The following PIP5K1B variants were observed in gnomAD, a reference collection of about 807,000 sequenced individuals.
The protein encoded by PIP5K1B is phosphatidylinositol-4-phosphate 5-kinase type 1 beta, also known as phosphatidylinositol 4-phosphate 5-kinase type-1 beta.
Under a neutral mutation model 67.0 loss-of-function variants are expected in PIP5K1B, and 42 were observed. The observed-to-expected ratio is 0.63, with a 90% CI of 0.49 to 0.81. The LOEUF (loss-of-function observed/expected upper bound fraction) is 0.81. PIP5K1B is among the 30% of genes least tolerant of loss of function. PIP5K1B has a pLI of 0.00. For synonymous variants in PIP5K1B, 214 were observed against 231.4 expected (o/e 0.92, Z 0.68); for missense variants, 459 against 646.3 (o/e 0.71, Z 3.14).
intron 6 of PIP5K1B, among the ~76,000 whole-genome samples, chr9:68,887,068 A>G (rs958921553): frequency 3.9e-5 from 6 of 152,140 alleles, no homozygotes; most frequent in Non-Finnish European, 7.3e-5. Context: ...CTCTGCTCCA[A>G]TGTCACCTTT....
chr9:68,914,695 A>G (rs915605784), intron 8 of PIP5K1B, among the ~76,000 whole-genome samples: 15 of 152,140 alleles, frequency 9.9e-5, no homozygotes, highest in African/African-American at 3.6e-4. Flanking sequence ...AGCCTGGGCA[A>G]CAGAGCAAGA....
intron 14 of PIP5K1B, among the ~76,000 whole-genome samples, chr9:68,975,340 A>G (rs1455901560): frequency 6.6e-6 from 1 of 152,238 alleles, no homozygotes; most frequent in Non-Finnish European, 1.5e-5. Flanking sequence ...AAGTGCTGGG[A>G]TTACAGGCAT....
At chr9:68,904,490 A>G (rs949269790) in intron 8 of PIP5K1B, among the ~76,000 whole-genome samples, 2 of 152,238 alleles carry the variant, frequency 1.3e-5, no homozygotes, top group Non-Finnish European at 2.9e-5. Context: ...TAATCCAAAC[A>G]TTTAATTTTA....
chr9:68,809,122 A>G (rs943320130), intron 2 of PIP5K1B, among the ~76,000 whole-genome samples: 3 of 152,196 alleles, frequency 2.0e-5, no homozygotes, highest in East Asian at 1.9e-4. Context: ...CTCTAAGCCT[A>G]TAGTTTCTTA....
intron 14 of PIP5K1B, among the ~76,000 whole-genome samples, chr9:68,975,071 G>A (rs1258089170): frequency 6.6e-6 from 1 of 152,172 alleles, no homozygotes; most frequent in Non-Finnish European, 1.5e-5. Context: ...GTTTTTGTTT[G>A]TTAGGTTGGC....
chr9:68,880,478 C>A (rs931651641), intron 6 of PIP5K1B, among the ~76,000 whole-genome samples: 1 of 151,904 alleles, frequency 6.6e-6, no homozygotes, highest in Non-Finnish European at 1.5e-5. Context: ...TCACTTGTAC[C>A]CCGGAGGCAA....
intron 6 of PIP5K1B, among the ~76,000 whole-genome samples, chr9:68,888,666 C>A (rs371842448): frequency 2.0e-5 from 3 of 152,150 alleles, no homozygotes; most frequent in African/African-American, 7.2e-5. Flanking sequence ...TTGCTGGAAA[C>A]AAAGCACCTT....
At chr9:68,800,975 G>T (rs910213920) in intron 2 of PIP5K1B, among the ~76,000 whole-genome samples, 1 of 152,156 alleles carries the variant, frequency 6.6e-6, no homozygotes, top group Non-Finnish European at 1.5e-5. Flanking sequence ...ATCCCAGATA[G>T]GAAAAGTGTC....
chr9:68,843,705 C>T (rs767423585), intron 4 of PIP5K1B, among the ~76,000 whole-genome samples: 10 of 152,216 alleles, frequency 6.6e-5, no homozygotes, highest in Non-Finnish European at 1.2e-4. Flanking sequence ...GAGTGAGCCA[C>T]TCTACTCCTG....
At chr9:68,999,556 T>G (rs1830728584) in intron 15 of PIP5K1B, among the ~76,000 whole-genome samples, 1 of 152,228 alleles carries the variant, frequency 6.6e-6, no homozygotes, top group Non-Finnish European at 1.5e-5. Flanking sequence ...GGGGGTGGAC[T>G]GAGGCATTGG....
intron 4 of PIP5K1B, among the ~76,000 whole-genome samples, chr9:68,862,057 C>T (rs945862832): frequency 3.3e-5 from 5 of 152,076 alleles, no homozygotes; most frequent in African/African-American, 9.7e-5. Context: ...TGTAGATAGT[C>T]GTCCTCACAC....
intron 2 of PIP5K1B, among the ~76,000 whole-genome samples, chr9:68,785,329 A>G (rs936515596): frequency 5.9e-5 from 9 of 152,234 alleles, no homozygotes; most frequent in Admixed American, 5.9e-4. Context: ...TCTGGTCTCA[A>G]TGTAGGTCTC....
chr9:68,941,793 A>C (rs577728948), intron 14 of PIP5K1B, among the ~76,000 whole-genome samples: 6 of 152,334 alleles, frequency 3.9e-5, no homozygotes, highest in Admixed American at 1.3e-4. Flanking sequence ...TAATATATGG[A>C]TATCCATAGA....
At chr9:68,787,551 CCTT>C (rs1564135675) in intron 2 of PIP5K1B, among the ~76,000 whole-genome samples, 2 of 152,180 alleles carry the variant, frequency 1.3e-5, no homozygotes, top group Admixed American at 1.3e-4. Flanking sequence ...GTTTCCTCCT[CCTT>C]CTCCTGCATA....
intron 4 of PIP5K1B, among the ~76,000 whole-genome samples, chr9:68,826,720 T>C (rs1371688420): frequency 6.6e-6 from 1 of 152,194 alleles, no homozygotes; most frequent in East Asian, 1.9e-4. Context: ...CAAATCGGTG[T>C]TGAGTAAGTG....
chr9:68,914,319 C>T (rs1445810895), intron 8 of PIP5K1B, among the ~76,000 whole-genome samples: 14 of 152,168 alleles, frequency 9.2e-5, no homozygotes, highest in Non-Finnish European at 1.8e-4. Flanking sequence ...TTGGGAACAT[C>T]CACAGTATTG....
chr9:68,773,807 AG>A (rs1381338679), intron 2 of PIP5K1B, among the ~76,000 whole-genome samples: 1 of 152,218 alleles, frequency 6.6e-6, no homozygotes, highest in Non-Finnish European at 1.5e-5. Flanking sequence ...GATAACATAG[AG>A]GGTGTCTGTA....
intron 14 of PIP5K1B, among the ~76,000 whole-genome samples, chr9:68,973,618 T>G (rs937417979): frequency 6.6e-6 from 1 of 152,210 alleles, no homozygotes; most frequent in African/African-American, 2.4e-5. Context: ...GGGAGCGTAT[T>G]TGTGGTTCTT....
chr9:68,881,307 T>C (rs151086829), intron 6 of PIP5K1B, among the ~76,000 whole-genome samples: 122 of 152,350 alleles, frequency 8.0e-4, no homozygotes, highest in African/African-American at 2.4e-3. Flanking sequence ...CAAACACCTT[T>C]AACAAAACAC....
Sources: gnomAD v4.1 joint callset for allele counts (sites outside exome capture counted in the v4.1 genomes callset) on GRCh38, gnomAD v4.1.1 for gene constraint, MANE v1.5 for transcripts, NCBI Gene and HGNC (gene_info 2026-07-23, HGNC 2026-07-21) for gene names.